NVL: variants seen among roughly 807,000 people sequenced by gnomAD.
NVL encodes nuclear valosin-containing protein-like.
In NVL, 84 loss-of-function variants were observed where a neutral mutation model predicts 110.2. The ratio of observed to expected loss-of-function variants is 0.76; its 90% CI spans 0.64 to 0.91. NVL has a LOEUF of 0.91. Among genes scored for constraint, NVL ranks in the 40% least tolerant of loss-of-function variants. The probability of loss-of-function intolerance (pLI) is 0.00; values close to 1 mark genes in which losing one functional copy is unlikely to be tolerated. For synonymous variants in NVL, 354 were observed against 361.1 expected (o/e 0.98, Z 0.22); for missense variants, 882 against 1,035.9 (o/e 0.85, Z 2.04).
At chr1:224,313,158 CAAAAAAA>C (rs760756328) in intron 4 of NVL, 72 of 78,986 alleles carry the variant, frequency 9.1e-4, no homozygotes, top group South Asian at 2.2e-3. Flanking sequence ...GACGCTGTCT[CAAAAAAA>C]AAAAAAAAAA....
Position 224,231,206 on chromosome 1 carries a change from C to T in NVL, c.2526+20G>A, listed in dbSNP as rs201310043. On this transcript the variant is annotated intron_variant, in intron 22 of 22. Transcript: ENST00000281701. Reference sequence around the variant, plus strand: ...AAAATTCTAGTTTCCTTTCTCTATGCATTTAATGGCATTGCTTACCTTTTT... The same window carrying T: ...AAAATTCTAGTTTCCTTTCTCTATGTATTTAATGGCATTGCTTACCTTTTT... 9.3e-5 allele frequency: 144 copies of T among 1,552,096 alleles called. 1 individual carries two copies. In the East Asian group the frequency reaches 3.1e-3, roughly 33 times the overall value.
chr1:224,273,833 C>A (rs1043120735), intron 17 of NVL, among the ~76,000 whole-genome samples: 3 of 152,148 alleles, frequency 2.0e-5, no homozygotes, highest in Non-Finnish European at 4.4e-5. Flanking sequence ...CAGTCACTGA[C>A]ATCACTATCA....
At chr1:224,290,434 A>C (rs1347528117) in intron 12 of NVL, among the ~76,000 whole-genome samples, 1 of 152,182 alleles carries the variant, frequency 6.6e-6, no homozygotes, top group Non-Finnish European at 1.5e-5. Context: ...AGGCAGGCAA[A>C]TCACCTGAGG....
chr1:224,313,957 C>T (rs1297906757), intron 4 of NVL, among the ~76,000 whole-genome samples: 1 of 152,004 alleles, frequency 6.6e-6, no homozygotes, highest in African/African-American at 2.4e-5. Context: ...GAGTCGAGAT[C>T]GCACCACTGG....
intron 17 of NVL, among the ~76,000 whole-genome samples, chr1:224,272,133 C>T (rs1325824300): frequency 2.6e-5 from 4 of 151,246 alleles, no homozygotes; most frequent in Non-Finnish European, 5.9e-5. Context: ...GTTAGAAGTT[C>T]GAGACCAGCC....
intron 22 of NVL, among the ~76,000 whole-genome samples, chr1:224,229,781 C>T (rs1319394142): frequency 6.6e-6 from 1 of 152,128 alleles, no homozygotes; most frequent in Non-Finnish European, 1.5e-5. Context: ...GGCAATTCCA[C>T]TCCTGTGTAT....
intron 18 of NVL, among the ~76,000 whole-genome samples, chr1:224,259,567 T>C (rs9287027): frequency 0.86 from 130,167 of 152,186 alleles, 57,240 homozygotes; most frequent in Non-Finnish European, 0.94. Flanking sequence ...AATATATCCA[T>C]TGAAAATAAT....
intron 10 of NVL, 138 bp downstream of exon 10, chr1:224,300,424 C>G: frequency 1.8e-6 from 1 of 543,372 alleles, no homozygotes; most frequent in Non-Finnish European, 3.3e-6. Context: ...AGCCATCATG[C>G]ATAGCAAATT....
chr1:224,273,459 A>T, intron 17 of NVL, among the ~76,000 whole-genome samples: 1 of 152,082 alleles, frequency 6.6e-6, no homozygotes, highest in East Asian at 1.9e-4. Context: ...CATCCAAGAA[A>T]CAGATAAGGC....
rs1048202453 is a variant in NVL at position 224,303,872 on chromosome 1, G to A, written c.826-15C>T. The A allele has an allele frequency of 1.3e-6, 2 of 1,593,010 alleles. No homozygotes were observed. The highest frequency in any genetic ancestry group is 3.6e-5 in the Admixed American group (2 of 56,160). ...TTGCAGACCTCCTAGCAGAGGATAA[G>A]CACAAAGATGTCTTTCAAGACAGAA... On this transcript the variant is annotated splice_polypyrimidine_tract_variant and intron_variant, in intron 8 of 22. Transcript: ENST00000281701.
At chr1:224,270,841 TAA>T (rs1335136851) in intron 17 of NVL, among the ~76,000 whole-genome samples, 3 of 152,122 alleles carry the variant, frequency 2.0e-5, no homozygotes, top group Admixed American at 6.6e-5. Context: ...TGCCAAAAAA[TAA>T]AAAGACAGGT....
At position 224,288,219 on chromosome 1, in the gene NVL, C is replaced by T. The variant is rs537151721; in HGVS notation, c.1576-226G>A. Among the ~76,000 whole-genome samples, 13 of 152,244 alleles carry T rather than the reference C, an allele frequency of 8.5e-5. No homozygotes were observed. In the East Asian group the frequency reaches 2.5e-3, roughly 29 times the overall value. On this transcript the variant is annotated intron_variant, in intron 13 of 22. Transcript: ENST00000281701. Reference sequence around the variant, plus strand: ...TATACCAATTATAATTATAATTAAACATATAAGAATGACTTCTATATACTA... The same window carrying T: ...TATACCAATTATAATTATAATTAAATATATAAGAATGACTTCTATATACTA...
At chr1:224,294,147 A>G in intron 12 of NVL, 120 bp downstream of exon 12, 4 of 1,092,822 alleles carry the variant, frequency 3.7e-6, no homozygotes, top group Non-Finnish European at 4.0e-6. Context: ...AATCAATTTA[A>G]TTGGTACAAA....
chr1:224,246,393 T>C (rs573927276), intron 19 of NVL, among the ~76,000 whole-genome samples: 2 of 152,314 alleles, frequency 1.3e-5, no homozygotes, highest in African/African-American at 4.8e-5. Context: ...CAAATAGCAC[T>C]GAAATTCTAG....
Position 224,296,604 on chromosome 1 carries a change from A to G in NVL, c.1077T>C (p.Cys359=). The G allele has an allele frequency of 1.3e-6, 2 of 1,585,382 alleles. No individual in the cohort carries two copies. The highest frequency in any genetic ancestry group is 1.7e-6 in the Non-Finnish European group (2 of 1,164,364). Residue 359 remains cysteine, a synonymous_variant, in exon 11 of 23, where the codon TGT becomes TGC. Transcript: ENST00000281701. The part of the protein sequence containing the change: ...LFEQAVSNAP[C]IIFIDEIDAI... ...CATCAATTTCATCAATGAAAATGATACATGGTGCATTTGACTAGAAATAAA... is the reference window on the plus strand; with the variant it reads ...CATCAATTTCATCAATGAAAATGATGCATGGTGCATTTGACTAGAAATAAA...
chr1:224,262,103 C>T (rs1049000110), intron 18 of NVL, among the ~76,000 whole-genome samples: 1 of 151,766 alleles, frequency 6.6e-6, no homozygotes, highest in East Asian at 1.9e-4. Context: ...AAATTAAAGG[C>T]AAGAAGATGA....
In NVL at chr1:224,235,441, A is replaced by T. The variant is rs554073488; in HGVS notation, c.2366+1065T>A. On this transcript the variant is annotated intron_variant, in intron 20 of 22. Transcript: ENST00000281701. ...CCTCAGCCTCCAAAGTGCTGGGATT[A>T]CAGGCGTGAGCCACTGTGCCTGGCC... is the stretch of plus-strand genomic sequence containing the variant. 7.6e-4 allele frequency among the ~76,000 whole-genome samples: 115 copies of T among 152,256 alleles called. 1 individual carries two copies. The highest frequency in any genetic ancestry group is 2.4e-3 in the African/African-American group (98 of 41,544).
intron 4 of NVL, among the ~76,000 whole-genome samples, chr1:224,316,753 G>A (rs2102763333): frequency 6.6e-6 from 1 of 151,880 alleles, no homozygotes; most frequent in South Asian, 2.1e-4. Flanking sequence ...GAAGACTTTT[G>A]ATATTTATGG....
intron 12 of NVL, among the ~76,000 whole-genome samples, chr1:224,293,225 A>G (rs1667548222): frequency 6.6e-6 from 1 of 151,172 alleles, no homozygotes; most frequent in African/African-American, 2.4e-5. Context: ...GCCTGCCACC[A>G]TGCCTGGCTA....
Sources: gnomAD v4.1 joint callset for allele counts (sites outside exome capture counted in the v4.1 genomes callset) on GRCh38, gnomAD v4.1.1 for gene constraint, MANE v1.5 for transcripts, NCBI Gene and HGNC (gene_info 2026-07-23, HGNC 2026-07-21) for gene names.